GRID1: variants seen among roughly 807,000 people sequenced by gnomAD.
GRID1 encodes glutamate receptor ionotropic, delta-1.
A neutral mutation model predicts 98.0 loss-of-function variants in GRID1; 28 were observed. That is an observed-to-expected ratio of 0.29 (90% CI 0.21 to 0.39). The LOEUF (loss-of-function observed/expected upper bound fraction) is 0.39, where lower values mean the gene tolerates loss of function less well. GRID1 is among the 10% of genes least tolerant of loss of function. The pLI, the probability that GRID1 is intolerant of heterozygous loss-of-function variation, is 1.00. For missense variants in GRID1, 1,111 were observed against 1,340.5 expected, an observed-to-expected ratio of 0.83 and a Z score of 2.67; for synonymous variants, 553 against 538.5, an observed-to-expected ratio of 1.03 and a Z score of -0.37.
At chr10:85,731,793 C>A (rs1168225865) in intron 8 of GRID1, among the ~76,000 whole-genome samples, 3 of 111,610 alleles carry the variant, frequency 2.7e-5, no homozygotes, top group Non-Finnish European at 5.2e-5. Context: ...CAGAGTGAGA[C>A]CCTGACAAAA....
At chr10:86,149,786 C>A (rs1285207643) in intron 3 of GRID1, among the ~76,000 whole-genome samples, 1 of 152,176 alleles carries the variant, frequency 6.6e-6, no homozygotes, top group Non-Finnish European at 1.5e-5. Flanking sequence ...AACTTCTGTT[C>A]CAAGTTGGGT....
At chr10:85,679,535 C>T (rs1841183130) in intron 12 of GRID1, among the ~76,000 whole-genome samples, 1 of 152,174 alleles carries the variant, frequency 6.6e-6, no homozygotes, top group Admixed American at 6.5e-5. Flanking sequence ...ATTGAATTGA[C>T]ACTTGCAGGA....
intron 4 of GRID1, among the ~76,000 whole-genome samples, chr10:86,119,851 C>T (rs1002807664): frequency 5.9e-5 from 9 of 152,082 alleles, no homozygotes; most frequent in African/African-American, 1.7e-4. Context: ...AGTGCAGTCG[C>T]GCCATCTCAG....
chr10:86,332,190 C>T (rs750426611), intron 2 of GRID1, among the ~76,000 whole-genome samples: 24 of 152,206 alleles, frequency 1.6e-4, no homozygotes, highest in Non-Finnish European at 2.2e-4. Flanking sequence ...ACCCCCATGG[C>T]TGGATTGGCT....
intron 12 of GRID1, among the ~76,000 whole-genome samples, chr10:85,657,038 C>G (rs956481896): frequency 4.1e-4 from 62 of 152,178 alleles, no homozygotes; most frequent in African/African-American, 1.5e-3. Flanking sequence ...TCTCGCCGTA[C>G]CAGCCTCCCT....
chr10:86,240,893 G>A (rs1846617925), intron 2 of GRID1, among the ~76,000 whole-genome samples: 2 of 152,218 alleles, frequency 1.3e-5, no homozygotes, highest in Admixed American at 1.3e-4. Context: ...GCACAGAGCA[G>A]CAGGAGCAGC....
chr10:86,074,683 T>C (rs1482326658), intron 4 of GRID1, among the ~76,000 whole-genome samples: 1 of 152,196 alleles, frequency 6.6e-6, no homozygotes, highest in African/African-American at 2.4e-5. Flanking sequence ...CCCTTTGATA[T>C]AATGATTCCC....
chr10:86,001,798 C>T (rs1290398259), intron 4 of GRID1, among the ~76,000 whole-genome samples: 2 of 152,046 alleles, frequency 1.3e-5, no homozygotes, highest in East Asian at 1.9e-4. Flanking sequence ...GGACCACAAA[C>T]TGGATGCCTG....
intron 15 of GRID1, among the ~76,000 whole-genome samples, chr10:85,609,033 C>T (rs1842703957): frequency 6.6e-6 from 1 of 152,112 alleles, no homozygotes; most frequent in Middle Eastern, 3.2e-3. Flanking sequence ...AACCTTCACT[C>T]CCAAGTCCTC....
intron 15 of GRID1, among the ~76,000 whole-genome samples, chr10:85,608,422 G>A (rs1842696543): frequency 6.6e-6 from 1 of 152,172 alleles, no homozygotes; most frequent in Non-Finnish European, 1.5e-5. Context: ...ATTGATCCAG[G>A]TGCAATGATT....
intron 5 of GRID1, among the ~76,000 whole-genome samples, chr10:85,896,631 T>TA (rs1282060070): frequency 6.6e-6 from 1 of 152,218 alleles, no homozygotes; most frequent in Non-Finnish European, 1.5e-5. Context: ...CAAGAAATAT[T>TA]AAAAGTGTTT....
At chr10:86,289,051 G>T (rs907976730) in intron 2 of GRID1, among the ~76,000 whole-genome samples, 1 of 152,066 alleles carries the variant, frequency 6.6e-6, no homozygotes, top group Non-Finnish European at 1.5e-5. Flanking sequence ...TCTCCCACTG[G>T]GCCCCAAGAG....
chr10:85,968,450 C>CA (rs56938729), intron 4 of GRID1, among the ~76,000 whole-genome samples: 9,512 of 102,090 alleles, frequency 0.093, 1,007 homozygotes, highest in African/African-American at 0.24. Flanking sequence ...GACTCTGTCT[C>CA]AAAAAAAAAA....
At chr10:86,283,713 G>A (rs1847388359) in intron 2 of GRID1, among the ~76,000 whole-genome samples, 1 of 147,194 alleles carries the variant, frequency 6.8e-6, no homozygotes, top group African/African-American at 2.5e-5. Flanking sequence ...ACACACAACA[G>A]CAAATACACA....
rs1240392713 is a variant in GRID1, at chr10:86,366,268, G to T, written c.79+46C>A. 7.2e-6 allele frequency: 10 copies of T among 1,391,968 alleles called. No individual in the cohort carries two copies. In the East Asian group the frequency reaches 3.1e-4, roughly 44 times the overall value. The allele number at this position is 1,391,968 out of a possible 1,614,324, so 86.2% of individuals were successfully genotyped here. Reference sequence around the variant, plus strand: ...TTGGACGCCGCGCACCCCCTGCCCCGTTGGGGCCCCCGCCCAGCCTCGGCC... The same window carrying T: ...TTGGACGCCGCGCACCCCCTGCCCCTTTGGGGCCCCCGCCCAGCCTCGGCC... On this transcript the variant is annotated intron_variant, in intron 1 of 15. Transcript: ENST00000327946. This position sits in a 1 kb window ranked among gnomAD's most constrained non-coding sequence, Gnocchi z 4.1.
At chr10:85,836,944 C>T (rs1296545323) in intron 8 of GRID1, among the ~76,000 whole-genome samples, 11 of 152,204 alleles carry the variant, frequency 7.2e-5, no homozygotes, top group Non-Finnish European at 4.4e-5. Context: ...TGTGGCTGCA[C>T]ACCAGCCCAC....
intron 2 of GRID1, among the ~76,000 whole-genome samples, chr10:86,209,359 A>G (rs528542254): frequency 6.5e-4 from 99 of 152,382 alleles, no homozygotes; most frequent in African/African-American, 2.2e-3. Flanking sequence ...CGTCCTTTGT[A>G]CATGTGAATT....
intron 4 of GRID1, among the ~76,000 whole-genome samples, chr10:86,131,906 C>T (rs1844843837): frequency 6.6e-6 from 1 of 152,092 alleles, no homozygotes; most frequent in African/African-American, 2.4e-5. Context: ...AACCATAATG[C>T]ATGGCCCCTG....
intron 2 of GRID1, among the ~76,000 whole-genome samples, chr10:86,289,116 C>G (rs1035057650): frequency 4.6e-5 from 7 of 152,192 alleles, no homozygotes; most frequent in African/African-American, 1.7e-4. Context: ...CCCTGTCACT[C>G]AAGGTTGGCA....
Sources: allele counts gnomAD v4.1 joint callset (sites outside exome capture counted in the v4.1 genomes callset), GRCh38; gene constraint gnomAD v4.1.1; non-coding constraint Gnocchi (gnomAD v3.1); transcripts MANE v1.5; gene names NCBI Gene and HGNC (gene_info 2026-07-23, HGNC 2026-07-21).